TSC22D3: variants seen among roughly 807,000 people sequenced by gnomAD.
TSC22D3 encodes the protein TSC22 domain family protein 3.
In TSC22D3, 4 loss-of-function variants were observed where a neutral mutation model predicts 11.1. The observed-to-expected ratio is 0.36, with a 90% CI of 0.18 to 0.83. TSC22D3 has a LOEUF of 0.83. TSC22D3 is among the 40% of genes least tolerant of loss of function. The pLI, the probability that TSC22D3 is intolerant of heterozygous loss-of-function variation, is 0.48. For missense variants in TSC22D3, 118 were observed against 159.4 expected (o/e 0.74, Z 1.40); for synonymous variants, 77 against 70.3 (o/e 1.10, Z -0.48).
intron 1 of TSC22D3, among the ~76,000 whole-genome samples, chrX:107,719,395 C>A (rs1317636116): frequency 8.9e-6 from 1 of 112,208 alleles, no homozygotes; most frequent in Non-Finnish European, 1.9e-5. Context: ...ATTATAAAAG[C>A]AAATTGAGTC....
chrX:107,771,083 G>T (rs887572371), intron 1 of TSC22D3, among the ~76,000 whole-genome samples: 5 of 112,002 alleles, frequency 4.5e-5, no homozygotes, highest in Non-Finnish European at 7.5e-5. Flanking sequence ...ATTTGGAAAG[G>T]TTCTGAGCTC....
chrX:107,754,631 C>T (rs1024039501), intron 1 of TSC22D3, among the ~76,000 whole-genome samples: 14 of 112,214 alleles, frequency 1.2e-4, no homozygotes, highest in East Asian at 2.8e-4. Flanking sequence ...CATTAAGGAA[C>T]AAGCATGACC....
rs764091549 is a variant in TSC22D3, at chrX:107,775,395, G to C, written c.25C>G (p.Arg9Gly). 6 of 1,191,638 alleles carry C rather than the reference G, an allele frequency of 5.0e-6. No homozygotes were observed. In the African/African-American group the frequency reaches 5.3e-5, roughly 11 times the overall value. ...CAGCAGTCGAGGCCGACAGGTGAGCGGCAATCGAGCTTGGACTGGGCCATC... is the reference window on the plus strand; with the variant it reads ...CAGCAGTCGAGGCCGACAGGTGAGCCGCAATCGAGCTTGGACTGGGCCATC... MAQSKLDC[R>G]SPVGLDCCNC... is the part of the protein sequence containing the mutation. The change falls in exon 1 of 3, where the codon CGC becomes GGC. Residue 9 changes from arginine (R) to glycine (G), a missense_variant. Physicochemically the swap from Arg to Gly is moderately radical, Grantham distance 125 (BLOSUM62 -2). Transcript: ENST00000372383.
intron 1 of TSC22D3, chrX:107,716,568 A>T: frequency 2.1e-6 from 1 of 466,751 alleles, no homozygotes; most frequent in Non-Finnish European, 2.5e-6. Context: ...GCCCCTTCCC[A>T]GGATGCTGCA....
At chrX:107,768,148 G>A in intron 1 of TSC22D3, among the ~76,000 whole-genome samples, 1 of 112,214 alleles carries the variant, frequency 8.9e-6, no homozygotes. Flanking sequence ...GCAGAATCAC[G>A]ATGAGCAAAC....
At chrX:107,734,143 C>T (rs1928017071) in intron 1 of TSC22D3, among the ~76,000 whole-genome samples, 1 of 112,072 alleles carries the variant, frequency 8.9e-6, no homozygotes, top group Admixed American at 9.4e-5. Context: ...CTCTGCAGGG[C>T]CACACCCAAG....
intron 1 of TSC22D3, among the ~76,000 whole-genome samples, chrX:107,745,527 C>T (rs6523975): frequency 0.2 from 22,079 of 111,822 alleles, 3,333 homozygotes; most frequent in African/African-American, 0.53. Flanking sequence ...ATTAGGAATA[C>T]TTTACCTAAA....
intron 1 of TSC22D3, among the ~76,000 whole-genome samples, chrX:107,719,597 C>T (rs1255883739): frequency 8.9e-6 from 1 of 112,059 alleles, no homozygotes; most frequent in African/African-American, 3.2e-5. Context: ...AACTGCAGCC[C>T]AGGGTCTTCC....
chrX:107,764,039 A>C (rs1929555656), intron 1 of TSC22D3, among the ~76,000 whole-genome samples: 1 of 112,641 alleles, frequency 8.9e-6, no homozygotes, highest in Admixed American at 9.4e-5. Context: ...GGGTCTGATT[A>C]TTAGAATTTC....
Position 107,714,628 on chromosome X carries a change from G to A in TSC22D3, c.494C>T (p.Thr165Ile), listed in dbSNP as rs200917172. ...QLERENTLLKTLASPEQLEKF... is the reference protein window; with the variant it reads ...QLERENTLLKILASPEQLEKF... ...CTCCAGCTGCTCTGGGCTTGCCAGG[G>A]TCTTCAACAGGGTGTTCTCACGCTC... The change falls in exon 3 of 3, where the codon ACC becomes ATC. Residue 165 changes from threonine (T) to isoleucine (I), a missense_variant. Physicochemically the swap from Thr to Ile is moderately conservative, Grantham distance 89. Transcript: ENST00000372383. 5.0e-6 allele frequency: 6 copies of A among 1,209,726 alleles called. No homozygotes were observed. In the African/African-American group the frequency reaches 7.0e-5, roughly 14 times the overall value.
chrX:107,766,440 C>A (rs1391435557), intron 1 of TSC22D3, among the ~76,000 whole-genome samples: 1 of 104,279 alleles, frequency 9.6e-6, no homozygotes, highest in African/African-American at 3.7e-5. Flanking sequence ...TGTCAGTCAG[C>A]CTGGAGTTTC....
intron 1 of TSC22D3, among the ~76,000 whole-genome samples, chrX:107,734,260 T>C (rs374898584): frequency 1.5e-4 from 17 of 112,369 alleles, no homozygotes; most frequent in African/African-American, 3.9e-4. Context: ...AGTGTGTATC[T>C]TAACAGCTCT....
intron 1 of TSC22D3, among the ~76,000 whole-genome samples, chrX:107,755,590 G>T (rs765523595): frequency 6.2e-5 from 7 of 112,394 alleles, no homozygotes; most frequent in Non-Finnish European, 1.3e-4. Context: ...ATATTTACAC[G>T]CAGCCTATCA....
intron 1 of TSC22D3, among the ~76,000 whole-genome samples, chrX:107,720,828 G>C (rs1382633137): frequency 9.0e-6 from 1 of 111,512 alleles, no homozygotes; most frequent in Non-Finnish European, 1.9e-5. Context: ...CAGCACACCA[G>C]AAAATTTCTC....
intron 1 of TSC22D3, among the ~76,000 whole-genome samples, chrX:107,729,677 G>GGCT (rs1169930286): frequency 8.9e-6 from 1 of 112,470 alleles, no homozygotes; most frequent in Non-Finnish European, 1.9e-5. Context: ...AGGGGAGTGG[G>GGCT]GCTGGGCATC....
intron 1 of TSC22D3, among the ~76,000 whole-genome samples, chrX:107,723,376 G>T (rs1927450755): frequency 8.9e-6 from 1 of 112,512 alleles, no homozygotes; most frequent in South Asian, 3.7e-4. Context: ...GGTGGTCTTT[G>T]TTTAGCATGG....
At chrX:107,769,715 TCACACACACA>T (rs748668681) in intron 1 of TSC22D3, among the ~76,000 whole-genome samples, 1 of 101,499 alleles carries the variant, frequency 9.9e-6, no homozygotes, top group African/African-American at 3.7e-5. Flanking sequence ...TCTTTCTCTT[TCACACACACA>T]CACACACACA....
intron 1 of TSC22D3, among the ~76,000 whole-genome samples, chrX:107,749,770 A>G (rs1266464799): frequency 9.0e-6 from 1 of 111,667 alleles, no homozygotes; most frequent in Non-Finnish European, 1.9e-5. Context: ...GCCCTTGCTT[A>G]ACACCTGGTG....
chrX:107,746,560 A>G lies in TSC22D3; in HGVS notation c.320+28540T>C, dbSNP rs1421166601. Among the ~76,000 whole-genome samples, 5 of 111,906 alleles carry G rather than the reference A, an allele frequency of 4.5e-5. No individual in the cohort carries two copies. The East Asian group carries it at 1.4e-3, about 31-fold the overall frequency. ...CAGATAGAGTCACACACAGAAGAAC[A>G]CCAACCCTCCCAGATGCTATACTTC... On this transcript the variant is annotated intron_variant, in intron 1 of 2. Transcript: ENST00000372383.
Sources: gnomAD v4.1 joint callset for allele counts (sites outside exome capture counted in the v4.1 genomes callset) on GRCh38, gnomAD v4.1.1 for gene constraint, MANE v1.5 for transcripts, NCBI Gene and HGNC (gene_info 2026-07-23, HGNC 2026-07-21) for gene names.